Variants in CD163L1 observed in about 807,000 individuals in gnomAD.
CD163L1 encodes scavenger receptor cysteine-rich type 1 protein M160.
In CD163L1, 124 loss-of-function variants were observed where a neutral mutation model predicts 165.4. The observed-to-expected ratio is 0.75, with a 90% confidence interval of 0.65 to 0.87. CD163L1 has a LOEUF of 0.87. Among genes scored for constraint, CD163L1 ranks in the 40% least tolerant of loss-of-function variants. The probability of loss-of-function intolerance (pLI) is 0.00; values close to 1 mark genes in which losing one functional copy is unlikely to be tolerated. For synonymous variants in CD163L1, 585 were observed against 662.2 expected, an observed-to-expected ratio of 0.88 and a Z score of 1.79; for missense variants, 1,525 against 1,799.9, an observed-to-expected ratio of 0.85 and a Z score of 2.76.
chr12:7,375,328 C>A lies in CD163L1; in HGVS notation c.2954G>T (p.Gly985Val). Residue 985 changes from glycine (G) to valine (V), a missense_variant, in exon 11 of 20, where the codon GGA (glycine) becomes GTA (valine). Gly to Val is a moderately radical substitution (Grantham distance 109). Coordinates refer to ENST00000313599, the MANE Select transcript of CD163L1 (RefSeq NM_174941.6). ...LLDNCQMTVL[G>V]APPCIHGNTV... ...ATTTCCATGGATACAGGGAGGTGCT[C>A]CAAGAACTGTCATTTGACAGTTATC... The A allele has an allele frequency of 6.2e-7, 1 of 1,614,186 alleles. No homozygotes were observed. Among genetic ancestry groups the A allele is most frequent in the South Asian group, 1.1e-5 (1 of 91,076 alleles).
chr12:7,340,121 A>G, the CD163L1 span, among the ~76,000 whole-genome samples: 1 of 152,102 alleles, frequency 6.6e-6, no homozygotes, highest in Non-Finnish European at 1.5e-5. Flanking sequence ...GCTAAATTCC[A>G]GGGTTCTTTG....
chr12:7,348,302 C>T (rs1215079273), intron 4 of CD163L1, among the ~76,000 whole-genome samples: 4 of 152,202 alleles, frequency 2.6e-5, no homozygotes. Flanking sequence ...GTCACATGAT[C>T]ATAACTAGTT....
chr12:7,319,589 C>CAAA, the CD163L1 span, among the ~76,000 whole-genome samples: 1 of 53,676 alleles, frequency 1.9e-5, no homozygotes. Context: ...GACTCCGTCT[C>CAAA]AAAAAAAAAA....
At position 7,369,044 on chromosome 12, in the gene CD163L1, T is replaced by G; in HGVS notation, c.4040-79A>C. The G allele has an allele frequency of 7.0e-7, 1 of 1,428,518 alleles. No individual in the cohort carries two copies. Among genetic ancestry groups the G allele is most frequent in the South Asian group, 1.2e-5 (1 of 86,004 alleles). The allele number at this position is 1,428,518 out of a possible 1,614,324, so 88.5% of individuals were successfully genotyped here. A position where few individuals can be genotyped will look rare whatever the true frequency, so the allele number is the denominator to read the frequency against. ...TTTCTTTTTACATCTCCTGCGATTATCGGATGTCATTTAAATATCCTTTTA... is the reference window on the plus strand; with the variant it reads ...TTTCTTTTTACATCTCCTGCGATTAGCGGATGTCATTTAAATATCCTTTTA... On this transcript the variant is annotated intron_variant, in intron 15 of 19. Transcript: ENST00000313599. This position sits in a 1 kb window ranked among gnomAD's most constrained non-coding sequence, Gnocchi z 4.9.
At chr12:7,345,755 A>C (rs1946665667), downstream of CD163L1, among the ~76,000 whole-genome samples, 1 of 152,222 alleles carries the variant, frequency 6.6e-6, no homozygotes. Context: ...ATTGACTCAC[A>C]GTTTTGCAGA....
chr12:7,337,107 G>A, the CD163L1 span, among the ~76,000 whole-genome samples: 1 of 152,072 alleles, frequency 6.6e-6, no homozygotes, highest in Non-Finnish European at 1.5e-5. Context: ...TGGGAAAACT[G>A]GCTAGCCATA....
intron 8 of CD163L1, among the ~76,000 whole-genome samples, chr12:7,387,172 C>A (rs1369871718): frequency 6.6e-6 from 1 of 152,058 alleles, no homozygotes; most frequent in African/African-American, 2.4e-5. Context: ...CATTTCTATA[C>A]ACCAATAACA....
At chr12:7,323,690 A>G in the CD163L1 span, 39 of 771,296 alleles carry the variant, frequency 5.1e-5, no homozygotes, top group African/African-American at 5.4e-4. Flanking sequence ...GGAGACTATC[A>G]TCTGTCACCC....
intron 2 of CD163L1, among the ~76,000 whole-genome samples, chr12:7,440,531 G>A (rs1452570682): frequency 1.3e-5 from 2 of 151,530 alleles, no homozygotes; most frequent in Non-Finnish European, 2.9e-5. Context: ...TCTGTATCTT[G>A]TAAGTTTTTA....
rs764544792 is a variant in CD163L1 at position 7,374,809 on chromosome 12, T to C, written c.3094+22A>G. 4 of 1,614,130 alleles carry C rather than the reference T, an allele frequency of 2.5e-6. No individual in the cohort carries two copies. In the South Asian group the frequency reaches 4.4e-5, roughly 18 times the overall value. Reference sequence around the variant, plus strand: ...TCACATTCTTTAGAGTTGCAGTGTTTCCTAAAACTGATTCTGCTTACCTAA... The same window carrying C: ...TCACATTCTTTAGAGTTGCAGTGTTCCCTAAAACTGATTCTGCTTACCTAA... On this transcript the variant is annotated intron_variant, in intron 12 of 19. Coordinates refer to ENST00000313599, the MANE Select transcript of CD163L1 (RefSeq NM_174941.6). The surrounding 1 kb of genome is among the most constrained non-coding windows in gnomAD (Gnocchi z 5.4).
chr12:7,439,938 A>G, intron 2 of CD163L1: 1 of 1,591,042 alleles, frequency 6.3e-7, no homozygotes, highest in Non-Finnish European at 8.6e-7. Context: ...TGCTGTCGGC[A>G]GCTGACACAG....
rs144144344 is a variant in CD163L1, at chr12:7,432,807, C to T, written c.446-71G>A. On this transcript the variant is annotated intron_variant, in intron 3 of 19. Transcript: ENST00000313599. The surrounding 1 kb of genome is among the most constrained non-coding windows in gnomAD (Gnocchi z 4.2). Reference sequence around the variant, plus strand: ...AGCCTGAAATAAAATCAAAAGGATACGTAGAAGACAGCCCTGTTATGAATG... The same window carrying T: ...AGCCTGAAATAAAATCAAAAGGATATGTAGAAGACAGCCCTGTTATGAATG... 4.7e-4 allele frequency: 615 copies of T among 1,300,792 alleles called. 2 individuals carry two copies. The African/African-American group carries it at 7.9e-3, about 17-fold the overall frequency. The allele number at this position is 1,300,792 out of a possible 1,614,324, so 80.6% of individuals were successfully genotyped here.
At chr12:7,436,963 G>A (rs1359405651) in intron 2 of CD163L1, among the ~76,000 whole-genome samples, 1 of 150,842 alleles carries the variant, frequency 6.6e-6, no homozygotes, top group Admixed American at 6.6e-5. Context: ...TAAGTGATAT[G>A]TGATAAAATA....
intron 4 of CD163L1, among the ~76,000 whole-genome samples, chr12:7,421,775 TC>T (rs578133372): frequency 1.5e-4 from 17 of 112,598 alleles, no homozygotes; most frequent in African/African-American, 5.1e-4. Flanking sequence ...ATATATTTTT[TC>T]TTCTAAGTGA....
At chr12:7,435,167 T>C (rs1948699137) in intron 2 of CD163L1, among the ~76,000 whole-genome samples, 1 of 152,054 alleles carries the variant, frequency 6.6e-6, no homozygotes, top group South Asian at 2.1e-4. Flanking sequence ...ATTAAGGTGT[T>C]TTTTTCAACG....
intron 2 of CD163L1, chr12:7,439,526 T>C: frequency 2.5e-6 from 4 of 1,577,226 alleles, no homozygotes; most frequent in Admixed American, 2.0e-5. Context: ...CTTAATTTTT[T>C]CTTTTTCTTC....
intron 1 of CD163L1, 91 bp from the exon 2 acceptor site, chr12:7,441,337 A>C: frequency 1.1e-6 from 1 of 906,594 alleles, no homozygotes; most frequent in Non-Finnish European, 1.8e-6. Context: ...ATAAAATAGA[A>C]GGAGTAAGAT....
intron 4 of CD163L1, among the ~76,000 whole-genome samples, chr12:7,425,426 A>G (rs1948524689): frequency 6.6e-6 from 1 of 152,222 alleles, no homozygotes; most frequent in African/African-American, 2.4e-5. Context: ...AGGCACGGGC[A>G]AAGACTTTAT....
chr12:7,412,317 C>G (rs894520552), intron 4 of CD163L1, among the ~76,000 whole-genome samples: 4 of 152,098 alleles, frequency 2.6e-5, no homozygotes, highest in African/African-American at 9.7e-5. Context: ...AAAATAGACT[C>G]CCAGGAAATG....
Sources: allele counts gnomAD v4.1 joint callset (sites outside exome capture counted in the v4.1 genomes callset), GRCh38; gene constraint gnomAD v4.1.1; non-coding constraint Gnocchi (gnomAD v3.1); transcripts MANE v1.5; gene names NCBI Gene and HGNC (gene_info 2026-07-23, HGNC 2026-07-21).